The following IL1R1 variants were observed in gnomAD, a reference collection of about 807,000 sequenced individuals.
IL1R1 encodes interleukin 1 receptor type 1, also known as interleukin-1 receptor type 1.
Under a neutral mutation model 50.2 loss-of-function variants are expected in IL1R1, and 22 were observed. The observed-to-expected ratio is 0.44, with a 90% CI of 0.31 to 0.63. IL1R1 has a LOEUF of 0.63. IL1R1 is among the 20% of genes least tolerant of loss of function. The pLI is 0.07. For synonymous variants in IL1R1, 251 were observed against 236.7 expected (o/e 1.06, Z -0.55); for missense variants, 509 against 676.2 (o/e 0.75, Z 2.74).
At chr2:102,161,328 T>C (rs1003274857) in intron 3 of IL1R1, among the ~76,000 whole-genome samples, 5 of 152,242 alleles carry the variant, frequency 3.3e-5, no homozygotes, top group Admixed American at 1.3e-4. Flanking sequence ...TTAAATTTAC[T>C]GAGTCTTGGG....
chr2:102,126,596 T>G (rs1489080402), intron 1 of IL1R1, among the ~76,000 whole-genome samples: 1 of 152,146 alleles, frequency 6.6e-6, no homozygotes, highest in Non-Finnish European at 1.5e-5. Context: ...AAAGGTTTTT[T>G]TTTTTTTTTA....
At chr2:102,114,043 C>G (rs72996570) in intron 1 of IL1R1, among the ~76,000 whole-genome samples, 4,651 of 152,256 alleles carry the variant, frequency 0.031, 251 homozygotes, top group African/African-American at 0.1. Flanking sequence ...CTCACATGTC[C>G]TTCAGGCAGT....
At chr2:102,169,570 A>C (rs974411801) in intron 7 of IL1R1, among the ~76,000 whole-genome samples, 3 of 152,202 alleles carry the variant, frequency 2.0e-5, no homozygotes, top group African/African-American at 7.2e-5. Context: ...CAGAGGACCC[A>C]AAATAGGTTG....
chr2:102,096,149 T>C (rs2104324873), intron 1 of IL1R1, among the ~76,000 whole-genome samples: 1 of 152,348 alleles, frequency 6.6e-6, no homozygotes, highest in African/African-American at 2.4e-5. Context: ...TATACTGTAA[T>C]TGACGCATTC....
chr2:102,166,781 A>G (rs1685216058), intron 6 of IL1R1, among the ~76,000 whole-genome samples: 1 of 152,166 alleles, frequency 6.6e-6, no homozygotes, highest in African/African-American at 2.4e-5. Flanking sequence ...AGATGATGCA[A>G]TCTCCCAAGG....
chr2:102,073,095 G>T (rs145254518), intron 1 of IL1R1, among the ~76,000 whole-genome samples: 2 of 151,978 alleles, frequency 1.3e-5, no homozygotes, highest in Non-Finnish European at 2.9e-5. Flanking sequence ...TCAACTATTC[G>T]CAAAACTCAG....
chr2:102,115,986 C>T (rs1031911600), intron 1 of IL1R1, among the ~76,000 whole-genome samples: 5 of 152,094 alleles, frequency 3.3e-5, no homozygotes, highest in East Asian at 3.9e-4. Flanking sequence ...TTGCAGCAAA[C>T]GGCAAATAGG....
intron 1 of IL1R1, among the ~76,000 whole-genome samples, chr2:102,131,405 A>C (rs1682022131): frequency 6.6e-6 from 1 of 152,202 alleles, no homozygotes; most frequent in African/African-American, 2.4e-5. Flanking sequence ...AGTCAAAACC[A>C]ACCAAGAACT....
chr2:102,175,932 T>C (rs1317740867), intron 11 of IL1R1: 3 of 522,692 alleles, frequency 5.7e-6, no homozygotes, highest in Non-Finnish European at 1.0e-5. Flanking sequence ...GTGGTAGAGA[T>C]CAAATGATTG....
chr2:102,148,745 A>G (rs1272615050), intron 1 of IL1R1, among the ~76,000 whole-genome samples: 5 of 152,340 alleles, frequency 3.3e-5, no homozygotes, highest in African/African-American at 4.8e-5. Context: ...AGTTTTTTCC[A>G]TAAGTGTGTG....
Position 102,168,693 on chromosome 2 carries a change from A to G in IL1R1, c.721+30A>G, listed in dbSNP as rs1475655458. The G allele has an allele frequency of 5.2e-6, 8 of 1,533,000 alleles. No individual in the cohort carries two copies. The African/African-American group carries it at 8.4e-5, about 16-fold the overall frequency. 95.0% of individuals were successfully genotyped at this position (1,533,000 alleles called of 1,614,324 possible). On this transcript the variant is annotated intron_variant, in intron 7 of 11. Coordinates refer to ENST00000410023, the MANE Select transcript of IL1R1 (RefSeq NM_000877.4). ...GTGGGCTTCAGTGAGGGTATGCTGG[A>G]ATCGGTTTTTTTTTTTTAAAACATA...
intron 1 of IL1R1, among the ~76,000 whole-genome samples, chr2:102,144,820 CTCTGTGGT>C (rs1682978033): frequency 6.6e-6 from 1 of 152,180 alleles, no homozygotes; most frequent in Non-Finnish European, 1.5e-5. Context: ...ACAGATGTAG[CTCTGTGGT>C]TCCCTAGAGA....
intron 1 of IL1R1, among the ~76,000 whole-genome samples, chr2:102,080,515 A>T (rs1246368409): frequency 6.6e-6 from 1 of 152,226 alleles, no homozygotes; most frequent in Non-Finnish European, 1.5e-5. Context: ...AAAGCAAAAC[A>T]TACTAAGATG....
intron 1 of IL1R1, among the ~76,000 whole-genome samples, chr2:102,146,441 T>C (rs748322661): frequency 6.6e-6 from 1 of 152,228 alleles, no homozygotes; most frequent in Non-Finnish European, 1.5e-5. Flanking sequence ...TGCATTTCAG[T>C]GTGCAGATGC....
At chr2:102,130,891 A>T (rs1336576628) in intron 1 of IL1R1, among the ~76,000 whole-genome samples, 1 of 152,146 alleles carries the variant, frequency 6.6e-6, no homozygotes, top group East Asian at 1.9e-4. Flanking sequence ...GTTTTTAAGA[A>T]TTGGACATCA....
At chr2:102,164,547 G>A (rs1234420481) in intron 3 of IL1R1, among the ~76,000 whole-genome samples, 2 of 152,128 alleles carry the variant, frequency 1.3e-5, no homozygotes, top group African/African-American at 4.8e-5. Flanking sequence ...GGTGAAGGAT[G>A]TTAAATAACT....
At chr2:102,151,108 T>C (rs1171576555) in intron 1 of IL1R1, among the ~76,000 whole-genome samples, 1 of 152,062 alleles carries the variant, frequency 6.6e-6, no homozygotes, top group East Asian at 1.9e-4. Context: ...ATAAGAGAGG[T>C]TTCTTTACCT....
intron 1 of IL1R1, among the ~76,000 whole-genome samples, chr2:102,127,199 C>A (rs892005949): frequency 6.6e-6 from 1 of 152,174 alleles, no homozygotes; most frequent in African/African-American, 2.4e-5. Context: ...GTCAGCTCCC[C>A]ACTTAGCTTC....
intron 1 of IL1R1, among the ~76,000 whole-genome samples, chr2:102,071,267 A>T (rs1678705847): frequency 6.6e-6 from 1 of 152,208 alleles, no homozygotes; most frequent in Non-Finnish European, 1.5e-5. Flanking sequence ...AATTTATATC[A>T]AATTTATATC....
Sources: allele counts gnomAD v4.1 joint callset (sites outside exome capture counted in the v4.1 genomes callset), GRCh38; gene constraint gnomAD v4.1.1; transcripts MANE v1.5; gene names NCBI Gene and HGNC (gene_info 2026-07-23, HGNC 2026-07-21).